The following SPEN variants were observed in gnomAD, a reference collection of about 807,000 sequenced individuals.
SPEN encodes spen family transcriptional repressor.
A neutral mutation model predicts 269.9 loss-of-function variants in SPEN; 18 were observed. The ratio of observed to expected loss-of-function variants is 0.07; its 90% CI spans 0.05 to 0.10. SPEN has a LOEUF of 0.10. Ranked by LOEUF, SPEN falls within the 10% of genes least tolerant of loss-of-function variation. The pLI, the probability that SPEN is intolerant of heterozygous loss-of-function variation, is 1.00. For synonymous variants in SPEN, 1,726 were observed against 1,765.7 expected (o/e 0.98, Z 0.56); for missense variants, 3,822 against 4,631.2 (o/e 0.83, Z 5.07).
rs1033660758 is a variant in SPEN, at chr1:15,940,387, G to GT, written c.*965dup. 1.3e-5 allele frequency: 3 copies of GT among 232,436 alleles called. No homozygotes were observed. Among genetic ancestry groups the GT allele is most frequent in the Non-Finnish European group, 2.6e-5 (3 of 117,446 alleles). 14.4% of individuals were successfully genotyped at this position (232,436 alleles called of 1,614,324 possible). On this transcript the variant is annotated 3_prime_UTR_variant, in exon 15 of 15. Coordinates refer to ENST00000375759, the MANE Select transcript of SPEN (RefSeq NM_015001.3). ...CTAACACTTATTAATTTATGAAACT[G>GT]TTTTTCTCAGCGCAGTTTTGTTTTG... is the stretch of plus-strand genomic sequence containing the variant.
At chr1:15,914,598 G>A (rs1266549565) in intron 5 of SPEN, among the ~76,000 whole-genome samples, 12 of 152,094 alleles carry the variant, frequency 7.9e-5, no homozygotes, top group Non-Finnish European at 1.2e-4. Flanking sequence ...TGAGGCGGGC[G>A]GATCACCTGA....
rs1427292892 is a variant in SPEN, at chr1:15,937,583, A to G, written c.10447A>G (p.Lys3483Glu). The G allele has an allele frequency of 1.9e-6, 3 of 1,613,980 alleles. No homozygotes were observed. The highest frequency in any genetic ancestry group is 2.2e-5 in the South Asian group (2 of 91,086). The change falls in exon 12 of 15, where the codon AAA becomes GAA. Residue 3483 changes from lysine (K) to glutamate (E), a missense_variant. Physicochemically the swap from Lys to Glu is moderately conservative, Grantham distance 56. This residue lies in a region of SPEN where 359 missense variants were observed against 377.3 expected (regional missense o/e 0.95). Transcript: ENST00000375759. The surrounding 1 kb of genome is among the most constrained non-coding windows in gnomAD (Gnocchi z 5.7). ...ACACACTGAATTCCAGCCAGCCCCC[A>G]AACAAGATTCCTCTCCACACCTGAC... ...LPHTEFQPAP[K>E]QDSSPHLTSQ...
At chr1:15,916,371 G>T in intron 6 of SPEN, 92 bp downstream of exon 6, 1 of 1,327,404 alleles carries the variant, frequency 7.5e-7, no homozygotes, top group Non-Finnish European at 1.0e-6. Context: ...GATATTTAAT[G>T]GTGTAATGAA....
chr1:15,856,216 T>A (rs2070385405), intron 1 of SPEN, among the ~76,000 whole-genome samples: 1 of 151,800 alleles, frequency 6.6e-6, no homozygotes, highest in South Asian at 2.1e-4. Context: ...GGTCTCGATC[T>A]CCTGACCTCA....
rs1474120500 is a variant in SPEN, at chr1:15,928,312, A to G, written c.2072A>G (p.Asp691Gly). 8 of 1,614,186 alleles carry G rather than the reference A, an allele frequency of 5.0e-6. No individual in the cohort carries two copies. The Admixed American group carries it at 1.2e-4, about 24-fold the overall frequency. Reference protein sequence around the residue: ...RDYRNDPYEQDIREYSYRQRE... With the variant: ...RDYRNDPYEQGIREYSYRQRE... ...TACAGGAATGATCCTTATGAACAAGATATTAGGGAATATAGTTACAGGCAA... is the reference window on the plus strand; with the variant it reads ...TACAGGAATGATCCTTATGAACAAGGTATTAGGGAATATAGTTACAGGCAA... The change falls in exon 11 of 15, where the codon GAT becomes GGT. Residue 691 changes from aspartate to glycine, a missense_variant. Asp to Gly is a moderately conservative substitution (Grantham distance 94). Coordinates refer to ENST00000375759, the MANE Select transcript of SPEN (RefSeq NM_015001.3). This position sits in a 1 kb window ranked among gnomAD's most constrained non-coding sequence, Gnocchi z 5.7.
chr1:15,934,650 G>T lies in SPEN; in HGVS notation c.8410G>T (p.Ala2804Ser). 3.1e-6 allele frequency: 5 copies of T among 1,614,062 alleles called. No homozygotes were observed. The highest frequency in any genetic ancestry group is 4.2e-6 in the Non-Finnish European group (5 of 1,179,924). ...DDRPADAGSG[A>S]GLRVNTSEGV... is the part of the protein sequence containing the mutation. ...TCGTCCGGCAGACGCGGGCTCAGGG[G>T]CGGGGCTGCGTGTGAACACTTCTGA... is the stretch of plus-strand genomic sequence containing the variant. Residue 2804 changes from alanine (A) to serine (S), a missense_variant, in exon 11 of 15, where the codon GCG (alanine) becomes TCG (serine). Coordinates refer to ENST00000375759, the MANE Select transcript of SPEN (RefSeq NM_015001.3). The surrounding 1 kb of genome is among the most constrained non-coding windows in gnomAD (Gnocchi z 9.2).
Position 15,934,305 on chromosome 1 carries a change from C to G in SPEN, c.8065C>G (p.Pro2689Ala), listed in dbSNP as rs1385902627. ...LKSLVSTPAG[P>A]VNVLKGPVNV... Reference sequence around the variant, plus strand: ...AAGTTTGGTGAGCACCCCTGCTGGGCCCGTGAACGTCCTGAAAGGGCCTGT... The same window carrying G: ...AAGTTTGGTGAGCACCCCTGCTGGGGCCGTGAACGTCCTGAAAGGGCCTGT... The change falls in exon 11 of 15, where the codon CCC (proline) becomes GCC (alanine). Residue 2689 changes from proline to alanine, a missense_variant. Pro to Ala is a conservative substitution (Grantham distance 27). Around this residue, in one of 16 missense-constraint regions of SPEN, gnomAD observed 329 missense variants for 431.2 expected, o/e 0.76. Transcript: ENST00000375759. This position sits in a 1 kb window ranked among gnomAD's most constrained non-coding sequence, Gnocchi z 9.2. The G allele has an allele frequency of 1.9e-6, 3 of 1,614,114 alleles. No homozygotes were observed. The East Asian group carries it at 6.7e-5, about 36-fold the overall frequency.
chr1:15,874,929 T>C (rs1433973745), intron 2 of SPEN, among the ~76,000 whole-genome samples: 2 of 152,164 alleles, frequency 1.3e-5, no homozygotes, highest in African/African-American at 2.4e-5. Flanking sequence ...AGAATATTAG[T>C]GGAGAGACCT....
intron 11 of SPEN, among the ~76,000 whole-genome samples, chr1:15,936,655 A>AAAAAAAAG (rs2071278407): frequency 6.6e-6 from 1 of 150,922 alleles, no homozygotes; most frequent in African/African-American, 2.4e-5. Context: ...AAAAAAAAAA[A>AAAAAAAAG]GCCGGGCATA....
chr1:15,938,312 C>T (rs760118918), intron 13 of SPEN, among the ~76,000 whole-genome samples: 1 of 152,134 alleles, frequency 6.6e-6, no homozygotes. Context: ...GATGGGGTTT[C>T]ACCATGTTGG....
chr1:15,884,767 C>T (rs1363609574), intron 3 of SPEN, among the ~76,000 whole-genome samples: 1 of 148,078 alleles, frequency 6.8e-6, no homozygotes, highest in Non-Finnish European at 1.5e-5. Context: ...CAGAGTCTTA[C>T]TTCGTCACCG....
At chr1:15,890,988 G>T (rs987113008) in intron 3 of SPEN, among the ~76,000 whole-genome samples, 1 of 152,130 alleles carries the variant, frequency 6.6e-6, no homozygotes, top group Non-Finnish European at 1.5e-5. Context: ...AGCCACATGT[G>T]ACTAGTGGCT....
chr1:15,859,483 G>C (rs1009657717), intron 1 of SPEN, among the ~76,000 whole-genome samples: 6 of 149,248 alleles, frequency 4.0e-5, no homozygotes. Context: ...TCAGCCTCCC[G>C]AGTAGCTGGG....
At chr1:15,892,349 C>G (rs1379568791) in intron 3 of SPEN, among the ~76,000 whole-genome samples, 1 of 152,074 alleles carries the variant, frequency 6.6e-6, no homozygotes, top group African/African-American at 2.4e-5. Context: ...TAAAATATGA[C>G]TATTTGAAAA....
chr1:15,892,944 C>T (rs1236348297), intron 3 of SPEN, among the ~76,000 whole-genome samples: 1 of 151,850 alleles, frequency 6.6e-6, no homozygotes, highest in Non-Finnish European at 1.5e-5. Context: ...ATTAAAAATA[C>T]AAAATTAGCT....
chr1:15,938,095 C>A, intron 13 of SPEN, 89 bp downstream of exon 13: 2 of 1,173,708 alleles, frequency 1.7e-6, no homozygotes, highest in Admixed American at 2.4e-5. Flanking sequence ...CCTGGCCTGT[C>A]ATGGAAGCAT....
At position 15,859,426 on chromosome 1, in the gene SPEN, C is replaced by T. The variant is rs1234001766; in HGVS notation, c.83+11276C>T. Among the ~76,000 whole-genome samples, 6 of 142,360 alleles carry T rather than the reference C, an allele frequency of 4.2e-5. No individual in the cohort carries two copies. In the East Asian group the frequency reaches 6.3e-4, roughly 15 times the overall value. The allele number at this position is 142,360 out of a possible 152,430, so 93.4% of individuals were successfully genotyped here. On this transcript the variant is annotated intron_variant, in intron 1 of 14. Coordinates refer to ENST00000375759, the MANE Select transcript of SPEN (RefSeq NM_015001.3). The stretch of plus-strand genomic sequence containing the variant: ...AGGCTGGAGTGCAGTGGCGGGATCT[C>T]GGCTCACTGCAAGCTCCGCCTCCTG...
rs761120321 is a variant in SPEN, at chr1:15,933,526, C to T, written c.7286C>T (p.Pro2429Leu). 7.4e-6 allele frequency: 12 copies of T among 1,613,846 alleles called. No homozygotes were observed. The highest frequency in any genetic ancestry group is 1.7e-5 in the Admixed American group (1 of 59,964). The change falls in exon 11 of 15, where the codon CCA becomes CTA. Residue 2429 changes from proline to leucine, a missense_variant. Physicochemically the swap from Pro to Leu is moderately conservative, Grantham distance 98 (BLOSUM62 -3). Around this residue, in one of 16 missense-constraint regions of SPEN, gnomAD observed 727 missense variants for 737.9 expected, o/e 0.99. Transcript: ENST00000375759. The surrounding 1 kb of genome is among the most constrained non-coding windows in gnomAD (Gnocchi z 5.7). Reference protein sequence around the residue: ...ERTPTKASVPPDLPPPPQPAP... With the variant: ...ERTPTKASVPLDLPPPPQPAP... ...ACTCCAACCAAAGCATCTGTGCCCC[C>T]AGACCTTCCCCCACCTCCCCAGCCA... is the stretch of plus-strand genomic sequence containing the variant.
chr1:15,936,508 G>A (rs2071276782), intron 11 of SPEN, among the ~76,000 whole-genome samples: 1 of 152,048 alleles, frequency 6.6e-6, no homozygotes, highest in South Asian at 2.1e-4. Flanking sequence ...AATTAGCCAG[G>A]TGTGGTGGCA....
Sources: allele counts gnomAD v4.1 joint callset (sites outside exome capture counted in the v4.1 genomes callset), GRCh38; gene constraint gnomAD v4.1.1; regional missense constraint gnomAD v4.1.1; non-coding constraint Gnocchi (gnomAD v3.1); transcripts MANE v1.5; gene names NCBI Gene and HGNC (gene_info 2026-07-23, HGNC 2026-07-21).